Variants in RPSA2 observed in about 807,000 individuals in gnomAD.
RPSA2 encodes the protein small ribosomal subunit protein uS2B.
At chr19:23,864,136 G>A in the RPSA2 span, among the ~76,000 whole-genome samples, 3 of 152,148 alleles carry the variant, frequency 2.0e-5, no homozygotes, top group African/African-American at 4.8e-5. Context: ...TGACAGCATA[G>A]ATCCCTATCT....
At chr19:23,865,054 G>A in the RPSA2 span, among the ~76,000 whole-genome samples, 3 of 152,236 alleles carry the variant, frequency 2.0e-5, no homozygotes, top group East Asian at 5.8e-4. Context: ...AGGGTCAGTG[G>A]CAAAGTGGTG....
At chr19:23,849,176 G>A in the RPSA2 span, among the ~76,000 whole-genome samples, 1 of 152,202 alleles carries the variant, frequency 6.6e-6, no homozygotes, top group Non-Finnish European at 1.5e-5. Context: ...ATGTAAGGAG[G>A]CTTAACACAA....
At chr19:23,824,505 C>T in the RPSA2 span, among the ~76,000 whole-genome samples, 2 of 148,142 alleles carry the variant, frequency 1.4e-5, no homozygotes, top group South Asian at 2.2e-4. Flanking sequence ...GTTTTCTCTA[C>T]ATCCTCTACT....
chr19:23,835,432 T>C, the RPSA2 span, among the ~76,000 whole-genome samples: 1 of 152,118 alleles, frequency 6.6e-6, no homozygotes, highest in African/African-American at 2.4e-5. Flanking sequence ...AGGGGCCTAA[T>C]TCACTAGAAA....
At chr19:23,786,553 C>G in the RPSA2 span, among the ~76,000 whole-genome samples, 1 of 152,166 alleles carries the variant, frequency 6.6e-6, no homozygotes, top group Non-Finnish European at 1.5e-5. Flanking sequence ...TATTGGGGCT[C>G]AATATATCAC....
chr19:23,767,309 C>T, the RPSA2 span, among the ~76,000 whole-genome samples: 2 of 152,112 alleles, frequency 1.3e-5, no homozygotes, highest in African/African-American at 2.4e-5. Flanking sequence ...TAACTCATGA[C>T]CTCAGGTGGT....
the RPSA2 span, chr19:23,819,054 C>T: frequency 6.6e-6 from 1 of 152,096 alleles, no homozygotes; most frequent in African/African-American, 2.4e-5. Flanking sequence ...ATGTTTATAC[C>T]TAGCATGGAG....
chr19:23,862,215 G>A, the RPSA2 span, among the ~76,000 whole-genome samples: 1 of 152,144 alleles, frequency 6.6e-6, no homozygotes, highest in Admixed American at 6.5e-5. Flanking sequence ...TGTGATTTTT[G>A]TACATTGATT....
the RPSA2 span, among the ~76,000 whole-genome samples, chr19:23,828,835 A>G: frequency 2.0e-5 from 3 of 151,938 alleles, no homozygotes; most frequent in African/African-American, 7.2e-5. Flanking sequence ...TTTTATTACA[A>G]AAAGTGTGGT....
chr19:23,859,622 C>T, the RPSA2 span, among the ~76,000 whole-genome samples: 40 of 31,244 alleles, frequency 1.3e-3, no homozygotes, highest in Admixed American at 5.6e-3. Context: ...AACAAAGTTC[C>T]GTCTCAAAAA....
the RPSA2 span, among the ~76,000 whole-genome samples, chr19:23,783,962 C>T: frequency 6.6e-6 from 1 of 152,180 alleles, no homozygotes; most frequent in South Asian, 2.1e-4. Context: ...TGATGTGACT[C>T]TTCTGCCTGG....
At chr19:23,850,614 C>G in the RPSA2 span, among the ~76,000 whole-genome samples, 2 of 151,254 alleles carry the variant, frequency 1.3e-5, no homozygotes, top group South Asian at 2.1e-4. Flanking sequence ...TAGTGGGCAC[C>G]CAGACAGGGG....
At chr19:23,764,962 G>A in the RPSA2 span, among the ~76,000 whole-genome samples, 1 of 152,068 alleles carries the variant, frequency 6.6e-6, no homozygotes, top group Non-Finnish European at 1.5e-5. Flanking sequence ...ACTGTCTGGG[G>A]TAACTCAACA....
chr19:23,824,576 A>ATTTCTTTCTTTC, the RPSA2 span, among the ~76,000 whole-genome samples: 1 of 21,826 alleles, frequency 4.6e-5, no homozygotes, highest in African/African-American at 1.8e-4. Context: ...TCATTATAGC[A>ATTTCTTTCTTTC]TTTCTTTTTT....
the RPSA2 span, among the ~76,000 whole-genome samples, chr19:23,794,843 A>C: frequency 6.6e-6 from 1 of 152,144 alleles, no homozygotes; most frequent in Non-Finnish European, 1.5e-5. Flanking sequence ...GCCTTTAATT[A>C]ATGTTGAGTT....
chr19:23,783,057 C>T, the RPSA2 span, among the ~76,000 whole-genome samples: 1 of 148,890 alleles, frequency 6.7e-6, no homozygotes, highest in African/African-American at 2.5e-5. Context: ...CTCTCCTCTC[C>T]TGCCTGAGAT....
At chr19:23,778,472 C>T in the RPSA2 span, among the ~76,000 whole-genome samples, 1 of 152,150 alleles carries the variant, frequency 6.6e-6, no homozygotes, top group African/African-American at 2.4e-5. Flanking sequence ...CTTCGGCCCC[C>T]CAGAGTACTG....
chr19:23,822,107 G>A, the RPSA2 span, among the ~76,000 whole-genome samples: 2 of 152,164 alleles, frequency 1.3e-5, no homozygotes, highest in Non-Finnish European at 2.9e-5. Context: ...ATGCCTCACA[G>A]AGTCTCTCAT....
At chr19:23,808,602 G>T in the RPSA2 span, 1 of 294,182 alleles carries the variant, frequency 3.4e-6, no homozygotes, top group Non-Finnish European at 6.8e-6. Context: ...TTATAAATTA[G>T]TATATTGGGA....
Sources: allele counts gnomAD v4.1 joint callset (sites outside exome capture counted in the v4.1 genomes callset), GRCh38; gene constraint gnomAD v4.1.1; transcripts MANE v1.5; gene names NCBI Gene and HGNC (gene_info 2026-07-23, HGNC 2026-07-21).